The following UBE2E1 variants were observed in gnomAD, a reference collection of about 807,000 sequenced individuals.
UBE2E1 encodes the protein ubiquitin conjugating enzyme E2 E1, also known as ubiquitin-conjugating enzyme E2 E1.
In UBE2E1, 6 loss-of-function variants were observed where a neutral mutation model predicts 21.4. That is an observed-to-expected ratio of 0.28 (90% CI 0.15 to 0.55). The LOEUF is 0.55. Among genes scored for constraint, UBE2E1 ranks in the 20% least tolerant of loss-of-function variants. The pLI is 0.93. For synonymous variants in UBE2E1, 87 were observed against 82.7 expected, an observed-to-expected ratio of 1.05 and a Z score of -0.28; for missense variants, 142 against 236.5, an observed-to-expected ratio of 0.60 and a Z score of 2.62.
intron 3 of UBE2E1, among the ~76,000 whole-genome samples, chr3:23,872,154 C>G (rs970021709): frequency 2.0e-5 from 3 of 152,188 alleles, no homozygotes; most frequent in Non-Finnish European, 4.4e-5. Context: ...ACAAATCACT[C>G]GCTGTTAGGA....
At chr3:23,862,727 CTTA>C (rs1700581873) in intron 3 of UBE2E1, among the ~76,000 whole-genome samples, 1 of 152,044 alleles carries the variant, frequency 6.6e-6, no homozygotes, top group Non-Finnish European at 1.5e-5. Context: ...TCTTATCTTT[CTTA>C]TTATTTATTT....
In UBE2E1 at chr3:23,810,801, G is replaced by C. The variant is rs1271503830; in HGVS notation, c.153-659G>C. On this transcript the variant is annotated intron_variant, in intron 2 of 5. Transcript: ENST00000306627. The surrounding 1 kb of genome is among the most constrained non-coding windows in gnomAD (Gnocchi z 5.8). ...GCGCGGCGCGAGCCGTCGGGGGCGC[G>C]CGCGGGGTGGGGGCGGCGTGGCCGG... 19 of 209,198 alleles carry C rather than the reference G, an allele frequency of 9.1e-5. No individual in the cohort carries two copies. The Admixed American group carries it at 1.1e-3, about 13-fold the overall frequency. The allele number at this position is 209,198 out of a possible 1,614,324, so 13.0% of individuals were successfully genotyped here.
intron 3 of UBE2E1, among the ~76,000 whole-genome samples, chr3:23,844,594 T>A (rs1700159085): frequency 6.6e-6 from 1 of 152,182 alleles, no homozygotes. Flanking sequence ...TACTTAAATT[T>A]GATTTGACTT....
At chr3:23,883,519 G>A (rs867739830) in intron 3 of UBE2E1, among the ~76,000 whole-genome samples, 14 of 152,048 alleles carry the variant, frequency 9.2e-5, no homozygotes, top group South Asian at 6.2e-4. Flanking sequence ...AAAATTGTAC[G>A]CCCCTGCATC....
rs1405609158 is a variant in UBE2E1 at position 23,810,235 on chromosome 3, A to G, written c.153-1225A>G. On this transcript the variant is annotated intron_variant, in intron 2 of 5. Transcript: ENST00000306627. The surrounding 1 kb of genome is among the most constrained non-coding windows in gnomAD (Gnocchi z 5.8). ...GGGCTTTATATGATAGGAGGAGGAA[A>G]GGTTATAAAATTAGGCACCGTTTAG... Among the ~76,000 whole-genome samples the G allele has an allele frequency of 6.6e-6, 1 of 152,162 alleles. No homozygotes were observed. The highest frequency in any genetic ancestry group is 1.5e-5 in the Non-Finnish European group (1 of 68,028).
intron 3 of UBE2E1, among the ~76,000 whole-genome samples, chr3:23,852,917 GT>G (rs376198572): frequency 3.2e-4 from 45 of 141,922 alleles, no homozygotes; most frequent in Admixed American, 3.5e-4. Flanking sequence ...ATTTTGTTTT[GT>G]TTTTTTTTTT....
chr3:23,842,199 GT>G lies in UBE2E1; in HGVS notation c.203+30690del, dbSNP rs1245918623. Among the ~76,000 whole-genome samples the G allele has an allele frequency of 0.099, 5,489 of 55,600 alleles. 195 individuals are homozygous for G. Among genetic ancestry groups the G allele is most frequent in the East Asian group, 0.24 (699 of 2,868 alleles). The allele number at this position is 55,600 out of a possible 152,430, so 36.5% of individuals were successfully genotyped here. On this transcript the variant is annotated intron_variant, in intron 3 of 5. Transcript: ENST00000306627. This position sits in a 1 kb window ranked among gnomAD's most constrained non-coding sequence, Gnocchi z 4.6. ...ATGTCATGACCCAGTAAGTGAAGGG[GT>G]GTGTGTGTGTGTGTGTGTGTGTGTG...
rs1423731365 is a variant in UBE2E1, at chr3:23,887,290, A to G, written c.204-277A>G. 3.9e-5 allele frequency among the ~76,000 whole-genome samples: 6 copies of G among 152,176 alleles called. No homozygotes were observed. ...TTTTAAGTATTGTTTACACTTTCCTACGTGTCCAGGAGAGTTTTGAGAATT... is the reference window on the plus strand; with the variant it reads ...TTTTAAGTATTGTTTACACTTTCCTGCGTGTCCAGGAGAGTTTTGAGAATT... On this transcript the variant is annotated intron_variant, in intron 3 of 5. Transcript: ENST00000306627. This position sits in a 1 kb window ranked among gnomAD's most constrained non-coding sequence, Gnocchi z 4.4.
intron 4 of UBE2E1, chr3:23,888,091 G>A (rs557218667): frequency 2.7e-4 from 104 of 391,494 alleles, no homozygotes; most frequent in Non-Finnish European, 4.6e-4. Flanking sequence ...CCAAGAGTTT[G>A]AGTCCAGTCT....
rs1559482352 is a variant in UBE2E1, at chr3:23,842,201, GTGT to G, written c.203+30692_203+30694del. ...GTCATGACCCAGTAAGTGAAGGGGT[GTGT>G]GTGTGTGTGTGTGTGTGTGTGTGTG... On this transcript the variant is annotated intron_variant, in intron 3 of 5. Transcript: ENST00000306627. The surrounding 1 kb of genome is among the most constrained non-coding windows in gnomAD (Gnocchi z 4.6). 0.031 allele frequency among the ~76,000 whole-genome samples: 2,893 copies of G among 93,688 alleles called. 56 individuals carry two copies. Among genetic ancestry groups the G allele is most frequent in the East Asian group, 0.084 (338 of 4,026 alleles). The allele number at this position is 93,688 out of a possible 152,430, so 61.5% of individuals were successfully genotyped here. A position where few individuals can be genotyped will look rare whatever the true frequency, so the allele number is the denominator to read the frequency against.
chr3:23,857,012 A>AAG (rs1171129361), intron 3 of UBE2E1, among the ~76,000 whole-genome samples: 1 of 146,560 alleles, frequency 6.8e-6, no homozygotes, highest in African/African-American at 2.5e-5. Context: ...AAAAAAAAAA[A>AAG]AAAAAAAGAG....
chr3:23,822,987 C>T (rs1410962848), intron 3 of UBE2E1, among the ~76,000 whole-genome samples: 2 of 152,090 alleles, frequency 1.3e-5, no homozygotes, highest in Non-Finnish European at 2.9e-5. Context: ...GCTGGGGTTA[C>T]AGGCATGTGC....
At chr3:23,865,529 A>G (rs367875934) in intron 3 of UBE2E1, among the ~76,000 whole-genome samples, 3 of 151,834 alleles carry the variant, frequency 2.0e-5, no homozygotes, top group East Asian at 3.9e-4. Flanking sequence ...TGTGTTTTGT[A>G]TTTTTTTAGA....
At chr3:23,890,226 A>G (rs913618513) in intron 5 of UBE2E1, among the ~76,000 whole-genome samples, 1 of 152,160 alleles carries the variant, frequency 6.6e-6, no homozygotes, top group African/African-American at 2.4e-5. Flanking sequence ...CTAACACATA[A>G]GAGTAAAGAA....
chr3:23,869,419 CTGTGTG>C (rs4024641), intron 3 of UBE2E1, among the ~76,000 whole-genome samples: 12 of 132,564 alleles, frequency 9.1e-5, no homozygotes, highest in African/African-American at 2.1e-4. Context: ...TGGTCTTTTC[CTGTGTG>C]TGTGTGTGTG....
At chr3:23,835,648 G>A (rs548348811) in intron 3 of UBE2E1, among the ~76,000 whole-genome samples, 55 of 152,102 alleles carry the variant, frequency 3.6e-4, no homozygotes, top group Admixed American at 6.5e-4. Context: ...TGTACCTCTG[G>A]TAATTTCCAG....
At chr3:23,890,391 G>C in intron 5 of UBE2E1, 118 bp from the exon 6 acceptor site, 1 of 845,234 alleles carries the variant, frequency 1.2e-6, no homozygotes, top group Non-Finnish European at 1.8e-6. Flanking sequence ...GTGGTGTTTC[G>C]AAGATGGGTT....
rs1701378907 is a variant in UBE2E1, at chr3:23,890,494, A to T, written c.485-15A>T. On this transcript the variant is annotated splice_polypyrimidine_tract_variant and intron_variant, in intron 5 of 5. Transcript: ENST00000306627. ...TTTTCCTTTCTCCAAAGTAATCTAC[A>T]TTCTTTTCTTCCAGCCGACCCCTTG... The T allele has an allele frequency of 6.2e-7, 1 of 1,608,254 alleles. No individual in the cohort carries two copies. The highest frequency in any genetic ancestry group is 1.7e-5 in the Admixed American group (1 of 58,814).
Position 23,850,680 on chromosome 3 carries a change from TG to T in UBE2E1, c.204-36886del, listed in dbSNP as rs1286202002. Reference sequence around the variant, plus strand: ...CACCACTGCATCCGGCACACCTGATTGTTTTTTTTTTTTTTTTTTTTGAGAT... The same window carrying T: ...CACCACTGCATCCGGCACACCTGATTTTTTTTTTTTTTTTTTTTTTGAGAT... On this transcript the variant is annotated intron_variant, in intron 3 of 5. Coordinates refer to ENST00000306627, the MANE Select transcript of UBE2E1 (RefSeq NM_003341.5). Among the ~76,000 whole-genome samples, 181 of 145,578 alleles carry T rather than the reference TG, an allele frequency of 1.2e-3. 1 individual carries two copies. The highest frequency in any genetic ancestry group is 3.3e-3 in the African/African-American group (128 of 38,882).
Sources: gnomAD v4.1 joint callset for allele counts (sites outside exome capture counted in the v4.1 genomes callset) on GRCh38, gnomAD v4.1.1 for gene constraint, Gnocchi (gnomAD v3.1) non-coding constraint, MANE v1.5 for transcripts, NCBI Gene and HGNC (gene_info 2026-07-23, HGNC 2026-07-21) for gene names.